The following FKBP10 variants were observed in gnomAD, a reference collection of about 807,000 sequenced individuals.
The protein encoded by FKBP10 is FKBP prolyl isomerase 10.
Under a neutral mutation model 53.7 loss-of-function variants are expected in FKBP10, and 34 were observed. That is an observed-to-expected ratio of 0.63 (90% CI 0.48 to 0.84). The LOEUF (loss-of-function observed/expected upper bound fraction) is 0.84. Ranked by LOEUF, FKBP10 falls within the 40% of genes least tolerant of loss-of-function variation. The pLI, the probability that FKBP10 is intolerant of heterozygous loss-of-function variation, is 0.00. For missense variants in FKBP10, 748 were observed against 797.8 expected (o/e 0.94, Z 0.75); for synonymous variants, 324 against 335.7 (o/e 0.97, Z 0.38).
chr17:41,820,194 G>A, intron 6 of FKBP10, 75 bp from the exon 7 acceptor site: 2 of 1,510,052 alleles, frequency 1.3e-6, no homozygotes, highest in South Asian at 1.1e-5. Flanking sequence ...TCAGGTCTGG[G>A]GACCTCCATG....
At chr17:41,815,226 T>C (rs2144047487) in intron 1 of FKBP10, among the ~76,000 whole-genome samples, 1 of 152,306 alleles carries the variant, frequency 6.6e-6, no homozygotes, top group South Asian at 2.1e-4. Flanking sequence ...TCTGTCTACG[T>C]GTCACACAGT....
chr17:41,819,605 G>T lies in FKBP10; in HGVS notation c.993G>T (p.Gln331His), dbSNP rs534241103. 2 of 1,613,878 alleles carry T rather than the reference G, an allele frequency of 1.2e-6. No individual in the cohort carries two copies. The highest frequency in any genetic ancestry group is 1.3e-5 in the African/African-American group (1 of 75,056). Residue 331 changes from glutamine (Q) to histidine (H), a missense_variant, in exon 6 of 10, where the codon CAG (glutamine) becomes CAT (histidine). Gln to His is a conservative substitution (Grantham distance 24). Coordinates refer to ENST00000321562, the MANE Select transcript of FKBP10 (RefSeq NM_021939.4). Reference sequence around the variant, plus strand: ...TCCCCGGGATGGACCAGGGGCTGCAGGGTGCCTGCATGGGGGAACGCCGGA... The same window carrying T: ...TCCCCGGGATGGACCAGGGGCTGCATGGTGCCTGCATGGGGGAACGCCGGA... The part of the protein sequence containing the change: ...YIIPGMDQGL[Q>H]GACMGERRRI...
intron 5 of FKBP10, 27 bp downstream of exon 5, chr17:41,819,426 C>A (rs1466901152): frequency 1.3e-6 from 1 of 744,424 alleles, no homozygotes; most frequent in Non-Finnish European, 2.2e-6. Context: ...GGTGGGAGGG[C>A]GGGGGCTGGG....
intron 1 of FKBP10, among the ~76,000 whole-genome samples, chr17:41,816,331 C>T (rs1597904933): frequency 6.9e-6 from 1 of 144,354 alleles, no homozygotes; most frequent in African/African-American, 2.5e-5. Flanking sequence ...CCCGGGTTCA[C>T]GCCATTCTCC....
chr17:41,819,871 C>G, intron 6 of FKBP10, 196 bp downstream of exon 6: 1 of 1,541,986 alleles, frequency 6.5e-7, no homozygotes, highest in African/African-American at 1.4e-5. Context: ...GGCAGCGCCC[C>G]ACTTCGCCCC....
chr17:41,820,704 C>T (rs1269727652), intron 7 of FKBP10: 5 of 674,186 alleles, frequency 7.4e-6, no homozygotes, highest in African/African-American at 7.2e-5. Flanking sequence ...TTCTATTTCA[C>T]AGAGGGGAAA....
At chr17:41,820,126 A>G in intron 6 of FKBP10, 143 bp from the exon 7 acceptor site, 1 of 1,235,278 alleles carries the variant, frequency 8.1e-7, no homozygotes, top group Non-Finnish European at 1.1e-6. Flanking sequence ...GTTAGAATTG[A>G]CTCTGGACAA....
chr17:41,822,092 A>G (rs1436158296), intron 9 of FKBP10, 131 bp from the exon 10 acceptor site: 1 of 970,152 alleles, frequency 1.0e-6, no homozygotes, highest in South Asian at 1.5e-5. Flanking sequence ...GCCCTTCCTG[A>G]GTTACAGGGT....
intron 1 of FKBP10, among the ~76,000 whole-genome samples, chr17:41,816,706 T>C (rs543135886): frequency 6.6e-6 from 1 of 152,272 alleles, no homozygotes; most frequent in African/African-American, 2.4e-5. Context: ...TCCCATATAG[T>C]AATGCTCCTC....
rs560604147 is a variant in FKBP10 at position 41,813,076 on chromosome 17, C to A, written c.42C>A (p.Leu14=). ...AGPPSHSLLR[L]PLLQLLLLVV... is the part of the protein sequence containing the mutation. ...CCCCCAGCCACAGCCTCCTCCGGCT[C>A]CCCCTGCTGCAGTTGCTGCTACTGG... The change falls in exon 1 of 10, where the codon CTC becomes CTA. Residue 14 remains leucine (L), a synonymous_variant. Transcript: ENST00000321562. 1.9e-6 allele frequency: 3 copies of A among 1,610,638 alleles called. No homozygotes were observed. Among genetic ancestry groups the A allele is most frequent in the Non-Finnish European group, 2.5e-6 (3 of 1,179,684 alleles).
intron 2 of FKBP10, among the ~76,000 whole-genome samples, chr17:41,817,634 T>A (rs1391628271): frequency 2.4e-5 from 1 of 41,044 alleles, no homozygotes; most frequent in East Asian, 0.014. Flanking sequence ...TTTTTCTTTT[T>A]CTTTTTTTTT....
At chr17:41,816,683 G>A (rs1334646756) in intron 1 of FKBP10, among the ~76,000 whole-genome samples, 1 of 152,178 alleles carries the variant, frequency 6.6e-6, no homozygotes, top group Non-Finnish European at 1.5e-5. Context: ...AATGTAAAAT[G>A]CCAAGCATTT....
chr17:41,814,326 T>C (rs1294583594), intron 1 of FKBP10, among the ~76,000 whole-genome samples: 1 of 152,172 alleles, frequency 6.6e-6, no homozygotes, highest in African/African-American at 2.4e-5. Flanking sequence ...GAATTTTGTC[T>C]CTTTAGGCAT....
intron 1 of FKBP10, among the ~76,000 whole-genome samples, chr17:41,815,672 G>T (rs1313163321): frequency 1.4e-5 from 2 of 141,892 alleles, no homozygotes; most frequent in Non-Finnish European, 3.1e-5. Flanking sequence ...AGCCAGGGTG[G>T]TCTCCATCTC....
Position 41,820,425 on chromosome 17 carries a change from A to G in FKBP10, c.1220A>G (p.Asn407Ser), listed in dbSNP as rs375797828. The G allele has an allele frequency of 1.2e-6, 2 of 1,612,030 alleles. No homozygotes were observed. Among genetic ancestry groups the G allele is most frequent in the African/African-American group, 1.3e-5 (1 of 74,508 alleles). ...GGGGACTTTGTTCGATACCATTACA[A>G]CTGTTCTTTGCTGGACGGCACCCAG... ...KLGDFVRYHYNCSLLDGTQLF... is the reference protein window; with the variant it reads ...KLGDFVRYHYSCSLLDGTQLF... Residue 407 changes from asparagine (N) to serine (S), a missense_variant, in exon 7 of 10, where the codon AAC (asparagine) becomes AGC (serine). Physicochemically the swap from Asn to Ser is conservative, Grantham distance 46. Transcript: ENST00000321562.
intron 1 of FKBP10, among the ~76,000 whole-genome samples, chr17:41,813,863 C>G (rs2047782107): frequency 6.6e-6 from 1 of 152,102 alleles, no homozygotes; most frequent in Non-Finnish European, 1.5e-5. Context: ...GAGGCCCTGT[C>G]TACGTGTCAC....
At position 41,819,348 on chromosome 17, in the gene FKBP10, T is replaced by C. The variant is rs1555616586; in HGVS notation, c.866T>C (p.Met289Thr). 3.1e-6 allele frequency: 5 copies of C among 1,612,280 alleles called. No individual in the cohort carries two copies. Among genetic ancestry groups the C allele is most frequent in the Admixed American group, 3.3e-5 (2 of 59,930 alleles). Residue 289 changes from methionine to threonine, a missense_variant, in exon 5 of 10, where the codon ATG (methionine) becomes ACG (threonine). By Grantham distance (81) the Met-to-Thr change is moderately conservative. Coordinates refer to ENST00000321562, the MANE Select transcript of FKBP10 (RefSeq NM_021939.4). ...CGCAGAGCCGGGGCCGGGGACTTCATGCGCTACCACTACAATGGCTCCTTG... is the reference window on the plus strand; with the variant it reads ...CGCAGAGCCGGGGCCGGGGACTTCACGCGCTACCACTACAATGGCTCCTTG... ...CVRRAGAGDF[M>T]RYHYNGSLMD...
Position 41,820,277 on chromosome 17 carries a change from A to G in FKBP10, c.1072A>G (p.Ile358Val). ...CCCCATTCTGGCCTCAGGAGACAAG[A>G]TCCCTGGCTCTGCCGTGCTAATCTT... is the stretch of plus-strand genomic sequence containing the variant. The part of the protein sequence containing the change: ...AYGENGTGDK[I>V]PGSAVLIFNV... The change falls in exon 7 of 10, where the codon ATC becomes GTC. Residue 358 changes from isoleucine (I) to valine (V), a missense_variant. Coordinates refer to ENST00000321562, the MANE Select transcript of FKBP10 (RefSeq NM_021939.4). The G allele has an allele frequency of 6.2e-7, 1 of 1,614,138 alleles. No homozygotes were observed.
At position 41,822,925 on chromosome 17, in the gene FKBP10, C is replaced by T. The variant is rs2144073417; in HGVS notation, c.*517C>T. The T allele has an allele frequency of 5.0e-6, 1 of 200,972 alleles. No homozygotes were observed. Among genetic ancestry groups the T allele is most frequent in the African/African-American group, 2.3e-5 (1 of 43,366 alleles). The allele number at this position is 200,972 out of a possible 1,614,324, so 12.4% of individuals were successfully genotyped here. ...GCCCTACCTCTCCCATGCCCTTTGC[C>T]CTCCTCCCTCGCCTCCAGTGGAGGC... On this transcript the variant is annotated 3_prime_UTR_variant, in exon 10 of 10. Coordinates refer to ENST00000321562, the MANE Select transcript of FKBP10 (RefSeq NM_021939.4).
Sources: allele counts gnomAD v4.1 joint callset (sites outside exome capture counted in the v4.1 genomes callset), GRCh38; gene constraint gnomAD v4.1.1; transcripts MANE v1.5; gene names NCBI Gene and HGNC (gene_info 2026-07-23, HGNC 2026-07-21).